Variants in TBC1D4 observed in about 807,000 individuals in gnomAD.
TBC1D4 encodes the protein TBC1 domain family member 4.
Under a neutral mutation model 142.5 loss-of-function variants are expected in TBC1D4, and 121 were observed. That is an observed-to-expected ratio of 0.85 (90% CI 0.73 to 0.99). The LOEUF is 0.99. Among genes scored for constraint, TBC1D4 ranks in the 50% least tolerant of loss-of-function variants. The pLI, the probability that TBC1D4 is intolerant of heterozygous loss-of-function variation, is 0.00. For synonymous variants in TBC1D4, 630 were observed against 628.2 expected (o/e 1.00, Z -0.04); for missense variants, 1,475 against 1,606.6 (o/e 0.92, Z 1.40).
rs373738303 is a variant in TBC1D4 at position 75,287,033 on chromosome 13, G to A, written c.3664-8C>T. 2 of 1,599,830 alleles carry A rather than the reference G, an allele frequency of 1.3e-6. No homozygotes were observed. The highest frequency in any genetic ancestry group is 2.2e-5 in the South Asian group (2 of 91,004). ...GATTTTAGTATGAGCTACCTGTTTG[G>A]GGGGGAAAAAATCCTCCAAATCAAA... On this transcript the variant is annotated splice_region_variant and splice_polypyrimidine_tract_variant and intron_variant, in intron 20 of 20. Transcript: ENST00000377636.
Position 75,471,188 on chromosome 13 carries a change from CAG to C in TBC1D4, c.498+10080_498+10081del, listed in dbSNP as rs1425814118. On this transcript the variant is annotated intron_variant, in intron 1 of 20. Transcript: ENST00000377636. ...ATATATATATCTCCAACCTAACTTC[CAG>C]TAGAAGAAACGTGATATGCCAATTA... Among the ~76,000 whole-genome samples the C allele has an allele frequency of 7.9e-5, 12 of 151,808 alleles. 1 individual carries two copies. Among genetic ancestry groups the C allele is most frequent in the Admixed American group, 3.9e-4 (6 of 15,254 alleles).
At chr13:75,390,648 G>A (rs1464510930) in intron 1 of TBC1D4, among the ~76,000 whole-genome samples, 4 of 152,088 alleles carry the variant, frequency 2.6e-5, no homozygotes, top group Admixed American at 2.0e-4. Flanking sequence ...GACTTGGAAT[G>A]ATGGAAGCTT....
chr13:75,362,676 A>G lies in TBC1D4; in HGVS notation c.499-69T>C. 6.6e-7 allele frequency: 1 copy of G among 1,505,598 alleles called. No homozygotes were observed. Among genetic ancestry groups the G allele is most frequent in the Non-Finnish European group, 9.2e-7 (1 of 1,089,430 alleles). 93.3% of individuals were successfully genotyped at this position (1,505,598 alleles called of 1,614,324 possible). Reference sequence around the variant, plus strand: ...AGACAATTTACATTTACCTAGCCCAATTATTACCACATGGAATGTATTTTC... The same window carrying G: ...AGACAATTTACATTTACCTAGCCCAGTTATTACCACATGGAATGTATTTTC... On this transcript the variant is annotated intron_variant, in intron 1 of 20. Transcript: ENST00000377636. This position sits in a 1 kb window ranked among gnomAD's most constrained non-coding sequence, Gnocchi z 4.2.
At chr13:75,435,310 A>G (rs1487332128) in intron 1 of TBC1D4, among the ~76,000 whole-genome samples, 2 of 147,382 alleles carry the variant, frequency 1.4e-5, no homozygotes, top group Non-Finnish European at 3.0e-5. Context: ...CCTGGGAGAC[A>G]GAGGGAGATT....
intron 1 of TBC1D4, among the ~76,000 whole-genome samples, chr13:75,363,238 T>TA (rs1025906816): frequency 1.3e-5 from 2 of 152,190 alleles, no homozygotes; most frequent in African/African-American, 4.8e-5. Flanking sequence ...CTTCATTACC[T>TA]AGGCATTCCA....
intron 15 of TBC1D4, among the ~76,000 whole-genome samples, chr13:75,303,369 G>T (rs1876792113): frequency 6.6e-6 from 1 of 152,070 alleles, no homozygotes; most frequent in Admixed American, 6.5e-5. Context: ...TAACTGATAT[G>T]CTCCAGAACA....
chr13:75,443,437 G>T (rs1212593011), intron 1 of TBC1D4, among the ~76,000 whole-genome samples: 1 of 152,170 alleles, frequency 6.6e-6, no homozygotes, highest in Non-Finnish European at 1.5e-5. Flanking sequence ...TAAGATCAGG[G>T]AAATTGTTGG....
intron 1 of TBC1D4, among the ~76,000 whole-genome samples, chr13:75,372,549 C>A (rs778180317): frequency 5.3e-5 from 8 of 152,198 alleles, no homozygotes; most frequent in Non-Finnish European, 1.2e-4. Context: ...GGATTATAGG[C>A]GTGAGCCTCC....
intron 1 of TBC1D4, among the ~76,000 whole-genome samples, chr13:75,440,898 A>T (rs957572771): frequency 6.6e-6 from 1 of 152,084 alleles, no homozygotes; most frequent in Non-Finnish European, 1.5e-5. Context: ...ATTAATTTAT[A>T]AAAATTCAGT....
At chr13:75,329,667 C>T (rs566599641) in intron 8 of TBC1D4, among the ~76,000 whole-genome samples, 1 of 152,298 alleles carries the variant, frequency 6.6e-6, no homozygotes, top group African/African-American at 2.4e-5. Context: ...GGGTGAGGCA[C>T]ATTCTCCGGG....
At chr13:75,475,818 C>T (rs1426717560) in intron 1 of TBC1D4, among the ~76,000 whole-genome samples, 5 of 152,242 alleles carry the variant, frequency 3.3e-5, no homozygotes, top group East Asian at 1.9e-4. Flanking sequence ...ATATGGGTTG[C>T]GTATCACTTA....
rs184085285 is a variant in TBC1D4, at chr13:75,333,714, A to G, written c.1731+3207T>C. The stretch of plus-strand genomic sequence containing the variant: ...TATTGAATCTTCAGACTTCACTCCA[A>G]TTGCATTGGTTGTCCCAATAATGGC... On this transcript the variant is annotated intron_variant, in intron 8 of 20. Transcript: ENST00000377636. Among the ~76,000 whole-genome samples the G allele has an allele frequency of 5.3e-5, 8 of 152,340 alleles. No homozygotes were observed. In the East Asian group the frequency reaches 1.3e-3, roughly 26 times the overall value.
chr13:75,450,131 C>A (rs893443222), intron 1 of TBC1D4, among the ~76,000 whole-genome samples: 5 of 152,228 alleles, frequency 3.3e-5, no homozygotes, highest in African/African-American at 9.6e-5. Context: ...TAAAACCTAC[C>A]ATTGCCAACA....
At chr13:75,289,238 GC>G in intron 19 of TBC1D4, 128 bp from the exon 20 acceptor site, 2 of 1,103,690 alleles carry the variant, frequency 1.8e-6, no homozygotes, top group African/African-American at 3.2e-5. Flanking sequence ...GCATAAAAAA[GC>G]AAAAAAAAAG....
At chr13:75,291,604 C>T (rs1341004225) in intron 19 of TBC1D4, among the ~76,000 whole-genome samples, 1 of 152,172 alleles carries the variant, frequency 6.6e-6, no homozygotes, top group Non-Finnish European at 1.5e-5. Context: ...TCAGTATCAT[C>T]CCATTCTGGA....
chr13:75,429,263 A>G (rs1007060679), intron 1 of TBC1D4, among the ~76,000 whole-genome samples: 2 of 152,250 alleles, frequency 1.3e-5, no homozygotes, highest in African/African-American at 4.8e-5. Flanking sequence ...ATGGAAATCA[A>G]CAACCTATGG....
intron 18 of TBC1D4, among the ~76,000 whole-genome samples, chr13:75,292,610 A>G (rs1297485027): frequency 1.3e-5 from 2 of 152,284 alleles, no homozygotes; most frequent in Non-Finnish European, 2.9e-5. Flanking sequence ...TTTCTTCACA[A>G]CAGGAATACA....
At chr13:75,428,050 A>T (rs1886449237) in intron 1 of TBC1D4, among the ~76,000 whole-genome samples, 3 of 152,230 alleles carry the variant, frequency 2.0e-5, no homozygotes, top group Admixed American at 2.0e-4. Context: ...TACTTAAAAT[A>T]ACATTAGGAA....
intron 11 of TBC1D4, 97 bp from the exon 12 acceptor site, chr13:75,320,134 T>A: frequency 7.4e-7 from 1 of 1,346,314 alleles, no homozygotes; most frequent in East Asian, 2.4e-5. Flanking sequence ...CATCAATAAG[T>A]CATGGTAAGG....
Sources: allele counts gnomAD v4.1 joint callset (sites outside exome capture counted in the v4.1 genomes callset), GRCh38; gene constraint gnomAD v4.1.1; non-coding constraint Gnocchi (gnomAD v3.1); transcripts MANE v1.5; gene names NCBI Gene and HGNC (gene_info 2026-07-23, HGNC 2026-07-21).